The following GPN3 variants were observed in gnomAD, a reference collection of about 807,000 sequenced individuals.
The protein encoded by GPN3 is ATP-binding domain 1 family member C.
Under a neutral mutation model 38.7 loss-of-function variants are expected in GPN3, and 31 were observed. The observed-to-expected ratio is 0.80, with a 90% confidence interval of 0.60 to 1.08. The LOEUF (loss-of-function observed/expected upper bound fraction) is 1.08. Ranked by LOEUF, GPN3 falls within the 50% of genes least tolerant of loss-of-function variation. The pLI is 0.00. For synonymous variants in GPN3, 116 were observed against 120.2 expected (o/e 0.96, Z 0.23); for missense variants, 301 against 354.4 (o/e 0.85, Z 1.21).
chr12:110,466,487 C>T (rs1181556337), intron 1 of GPN3, among the ~76,000 whole-genome samples: 1 of 152,126 alleles, frequency 6.6e-6, no homozygotes, highest in Non-Finnish European at 1.5e-5. Flanking sequence ...AATGCCCTCT[C>T]CATACATCAC....
At chr12:110,459,936 A>C (rs1051812476) in intron 2 of GPN3, 74 bp from the exon 3 acceptor site, 2 of 1,225,372 alleles carry the variant, frequency 1.6e-6, no homozygotes, top group African/African-American at 3.0e-5. Context: ...AATAGAACAT[A>C]AAAGTTAATA....
upstream of GPN3, chr12:110,468,322 C>T (rs1198832916): frequency 8.9e-6 from 14 of 1,574,032 alleles, no homozygotes; most frequent in East Asian, 2.3e-4. Context: ...TCCAGTTCTA[C>T]CACACCTCCT....
intron 4 of GPN3, 28 bp from the exon 5 acceptor site, chr12:110,455,958 T>C: frequency 8.6e-7 from 1 of 1,169,210 alleles, no homozygotes; most frequent in Non-Finnish European, 1.3e-6. Context: ...AAAGGGAAGA[T>C]GAACTGACTG....
intron 4 of GPN3, among the ~76,000 whole-genome samples, chr12:110,457,147 A>G (rs2062555791): frequency 6.6e-6 from 1 of 151,950 alleles, no homozygotes; most frequent in Non-Finnish European, 1.5e-5. Flanking sequence ...TCACACAATA[A>G]TTAAAGGAAC....
rs1167718117 is a variant in GPN3, at chr12:110,462,850, G to A, written c.157+2256C>T. 6.6e-5 allele frequency among the ~76,000 whole-genome samples: 10 copies of A among 152,172 alleles called. No homozygotes were observed. The East Asian group carries it at 1.3e-3, about 21-fold the overall frequency. ...CGGCTCACCGCAAGCTCCGCCTCCC[G>A]GGTGCACGCCATTCTCCTGCCTCAG... On this transcript the variant is annotated intron_variant, in intron 2 of 7. Coordinates refer to ENST00000228827, the MANE Select transcript of GPN3 (RefSeq NM_016301.4).
At chr12:110,467,616 A>G (rs1251309187) in intron 1 of GPN3, among the ~76,000 whole-genome samples, 2 of 152,214 alleles carry the variant, frequency 1.3e-5, no homozygotes, top group African/African-American at 4.8e-5. Context: ...GAGAACTGAA[A>G]GAGAAATGAA....
At chr12:110,460,980 C>T in intron 2 of GPN3, 2 of 1,327,716 alleles carry the variant, frequency 1.5e-6, no homozygotes, top group South Asian at 2.3e-5. Flanking sequence ...CAACTTGGAC[C>T]CAGCAGAATG....
intron 4 of GPN3, 70 bp downstream of exon 4, chr12:110,457,440 A>T: frequency 7.6e-7 from 1 of 1,315,850 alleles, no homozygotes; most frequent in South Asian, 1.5e-5. Context: ...CAACAGAGTA[A>T]GACTCTGTCA....
intron 2 of GPN3, among the ~76,000 whole-genome samples, chr12:110,463,761 C>T (rs1470146430): frequency 1.3e-5 from 2 of 148,544 alleles, no homozygotes; most frequent in African/African-American, 2.5e-5. Context: ...CCAGCCTGGG[C>T]GACAGAGCTG....
chr12:110,457,488 T>G, intron 4 of GPN3, 22 bp downstream of exon 4: 2 of 1,155,958 alleles, frequency 1.7e-6, no homozygotes, highest in Non-Finnish European at 2.4e-6. Context: ...AAAAAAAATC[T>G]GTAAGAGATT....
intron 2 of GPN3, among the ~76,000 whole-genome samples, chr12:110,463,396 G>A (rs2062604750): frequency 1.4e-5 from 2 of 147,566 alleles, no homozygotes; most frequent in Admixed American, 1.3e-4. Context: ...ACTGCAATGA[G>A]CTGTGATCAG....
intron 4 of GPN3, among the ~76,000 whole-genome samples, chr12:110,457,049 T>C (rs978312574): frequency 6.6e-6 from 1 of 152,088 alleles, no homozygotes; most frequent in Non-Finnish European, 1.5e-5. Context: ...TATGATATAA[T>C]AATTTACTAT....
chr12:110,463,527 T>C (rs1281270236), intron 2 of GPN3, among the ~76,000 whole-genome samples: 1 of 129,720 alleles, frequency 7.7e-6, no homozygotes, highest in Non-Finnish European at 1.5e-5. Flanking sequence ...CCCAACACTT[T>C]GGGAGACTGA....
chr12:110,468,512 C>T (rs769676186), upstream of GPN3: 3 of 1,537,236 alleles, frequency 2.0e-6, no homozygotes, highest in South Asian at 1.2e-5. Flanking sequence ...CGCATCCTTG[C>T]GCCACGTGCT....
At position 110,453,086 on chromosome 12, in the gene GPN3, T is replaced by G; in HGVS notation, c.803A>C (p.Asp268Ala). ...TTCGTCAAACATAGAGGAAGACTCA[T>G]CTTCACGTTCCTGACACAATGGAAA... The part of the protein sequence containing the change: ...LEFKEPKERE[D>A]ESSSMFDEYF... The change falls in exon 8 of 8, where the codon GAT becomes GCT. Residue 268 changes from aspartate (D) to alanine (A), a missense_variant. Transcript: ENST00000228827. 7.0e-7 allele frequency: 1 copy of G among 1,423,492 alleles called. No homozygotes were observed. 88.2% of individuals were successfully genotyped at this position (1,423,492 alleles called of 1,614,324 possible).
intron 3 of GPN3, 108 bp downstream of exon 3, chr12:110,459,587 T>C: frequency 1.3e-6 from 1 of 792,094 alleles, no homozygotes; most frequent in Non-Finnish European, 2.1e-6. Context: ...AGCTTGGTAC[T>C]TTACTGCAGT....
intron 2 of GPN3, chr12:110,461,484 CAGCTGCTCGGGAGGCTGAGGCAGG>C: frequency 4.2e-6 from 2 of 471,428 alleles, no homozygotes; most frequent in Middle Eastern, 5.8e-4. Flanking sequence ...CCTGTAATCC[CAGCTGCTCGGGAGGCTGAGGCAGG>C]AGAATCACTT....
At chr12:110,461,324 A>T in intron 2 of GPN3, 1 of 965,492 alleles carries the variant, frequency 1.0e-6, no homozygotes, top group South Asian at 1.3e-5. Context: ...ACCTGTCACC[A>T]CTTTCAAAAA....
chr12:110,459,811 C>T lies in GPN3; in HGVS notation c.209G>A (p.Arg70Gln), dbSNP rs748305243. ...VDDVMEDDSL[R>Q]FGPNGGLVFC... ...TACCAATCCTCCGTTGGGACCGAAT[C>T]GCAGAGAATCATCCTCCATTACATC... The change falls in exon 3 of 8, where the codon CGA (arginine) becomes CAA (glutamine). Residue 70 changes from arginine (R) to glutamine (Q), a missense_variant. Arg to Gln is a conservative substitution (Grantham distance 43). Coordinates refer to ENST00000228827, the MANE Select transcript of GPN3 (RefSeq NM_016301.4). 94 of 1,613,718 alleles carry T rather than the reference C, an allele frequency of 5.8e-5. No homozygotes were observed. The highest frequency in any genetic ancestry group is 3.7e-4 in the Admixed American group (22 of 59,988).
Sources: allele counts gnomAD v4.1 joint callset (sites outside exome capture counted in the v4.1 genomes callset), GRCh38; gene constraint gnomAD v4.1.1; transcripts MANE v1.5; gene names NCBI Gene and HGNC (gene_info 2026-07-23, HGNC 2026-07-21).